CAPZA1: variants seen among roughly 807,000 people sequenced by gnomAD.
The protein encoded by CAPZA1 is F-actin-capping protein subunit alpha-1.
CAPZA1 carries 10 observed loss-of-function variants against 40.8 expected under a neutral mutation model. The observed-to-expected ratio is 0.25, with a 90% CI of 0.15 to 0.42. CAPZA1 has a LOEUF of 0.42. Among genes scored for constraint, CAPZA1 ranks in the 10% least tolerant of loss-of-function variants. CAPZA1 has a pLI of 1.00. For missense variants in CAPZA1, 277 were observed against 353.8 expected (o/e 0.78, Z 1.74); for synonymous variants, 98 against 115.0 (o/e 0.85, Z 0.95).
chr1:112,656,031 T>C (rs1671493747), intron 5 of CAPZA1, among the ~76,000 whole-genome samples: 1 of 152,210 alleles, frequency 6.6e-6, no homozygotes, highest in African/African-American at 2.4e-5. Context: ...TATGTATACA[T>C]TGTGGAATGG....
chr1:112,670,358 T>TTTTA lies in CAPZA1; in HGVS notation c.*229_*230insATTT. ...CTGCTATATCTACGTGTAAATCTTT[T>TTTTA]TTTCTTTTTTTTTTTTTTTTTTTGG... On this transcript the variant is annotated 3_prime_UTR_variant, in exon 10 of 10. Transcript: ENST00000263168. The TTTTA allele has an allele frequency of 2.6e-5, 9 of 348,018 alleles. No individual in the cohort carries two copies. The highest frequency in any genetic ancestry group is 3.3e-5 in the African/African-American group (1 of 29,934). The allele number at this position is 348,018 out of a possible 1,614,324, so 21.6% of individuals were successfully genotyped here. A position where few individuals can be genotyped will look rare whatever the true frequency, so the allele number is the denominator to read the frequency against.
rs143425669 is a variant in CAPZA1, at chr1:112,649,072, G to A, written c.104-346G>A. On this transcript the variant is annotated intron_variant, in intron 2 of 9. Coordinates refer to ENST00000263168, the MANE Select transcript of CAPZA1 (RefSeq NM_006135.3). ...GAATTTCACTCTTACTGACTGAATT[G>A]TGCCCAGCTTTCTTGATATGATGTT... Among the ~76,000 whole-genome samples, 185 of 152,184 alleles carry A rather than the reference G, an allele frequency of 1.2e-3. 2 individuals carry two copies. The highest frequency in any genetic ancestry group is 3.7e-3 in the African/African-American group (154 of 41,512).
intron 1 of CAPZA1, chr1:112,620,733 T>G (rs1312351678): frequency 6.6e-6 from 1 of 152,262 alleles, no homozygotes; most frequent in Non-Finnish European, 1.5e-5. Context: ...TTTGTCAGTG[T>G]GCATTTTGTA....
chr1:112,631,628 C>T (rs1254607474), intron 1 of CAPZA1, among the ~76,000 whole-genome samples: 1 of 152,166 alleles, frequency 6.6e-6, no homozygotes, highest in Non-Finnish European at 1.5e-5. Context: ...TTCCATCTAG[C>T]CTGGGTTCTC....
chr1:112,665,437 C>T (rs1353779388), intron 7 of CAPZA1, among the ~76,000 whole-genome samples: 2 of 152,048 alleles, frequency 1.3e-5, no homozygotes, highest in South Asian at 2.1e-4. Context: ...GCCTTGGCCT[C>T]CCAAAGTGCT....
intron 2 of CAPZA1, among the ~76,000 whole-genome samples, chr1:112,648,606 A>G (rs915929817): frequency 1.0e-4 from 15 of 147,820 alleles, no homozygotes; most frequent in African/African-American, 3.7e-4. Context: ...GTGAGCCACC[A>G]CACCTGCCCG....
chr1:112,647,679 A>G (rs1212058240), intron 2 of CAPZA1, among the ~76,000 whole-genome samples: 2 of 152,212 alleles, frequency 1.3e-5, no homozygotes, highest in African/African-American at 2.4e-5. Flanking sequence ...TGAACGGACT[A>G]TATCTGGGGA....
At chr1:112,642,071 G>A (rs72984509) in intron 1 of CAPZA1, among the ~76,000 whole-genome samples, 3,125 of 151,934 alleles carry the variant, frequency 0.021, 119 homozygotes, top group African/African-American at 0.071. Flanking sequence ...AAACTCCTGC[G>A]TTCAGTTTGT....
intron 1 of CAPZA1, among the ~76,000 whole-genome samples, chr1:112,632,045 C>G (rs1670928614): frequency 1.3e-5 from 2 of 152,286 alleles, no homozygotes; most frequent in South Asian, 4.1e-4. Context: ...TGGCTCATGC[C>G]CGTAATCCCA....
chr1:112,649,238 A>G (rs1234045425), intron 2 of CAPZA1, among the ~76,000 whole-genome samples, 180 bp from the exon 3 acceptor site: 1 of 152,244 alleles, frequency 6.6e-6, no homozygotes, highest in Non-Finnish European at 1.5e-5. Context: ...TAGCACACAT[A>G]ATTGTACACA....
intron 1 of CAPZA1, among the ~76,000 whole-genome samples, chr1:112,627,828 C>T (rs912353471): frequency 7.3e-5 from 11 of 151,570 alleles, no homozygotes; most frequent in African/African-American, 2.2e-4. Flanking sequence ...GGCGTGATGG[C>T]GCATGCCTGT....
chr1:112,668,899 T>C (rs1241163000), intron 8 of CAPZA1, among the ~76,000 whole-genome samples: 1 of 152,210 alleles, frequency 6.6e-6, no homozygotes, highest in African/African-American at 2.4e-5. Flanking sequence ...AACTTTGTGT[T>C]AGTATTATTA....
At chr1:112,626,994 G>A (rs891576605) in intron 1 of CAPZA1, among the ~76,000 whole-genome samples, 6 of 152,198 alleles carry the variant, frequency 3.9e-5, no homozygotes, top group Non-Finnish European at 8.8e-5. Flanking sequence ...ACATTTAAGT[G>A]CTTCTTTTGT....
intron 4 of CAPZA1, 93 bp from the exon 5 acceptor site, chr1:112,654,372 A>G: frequency 1.3e-6 from 1 of 744,156 alleles, no homozygotes; most frequent in Admixed American, 2.8e-5. Context: ...ATGAAAAGTT[A>G]ACTGCCTCAG....
At chr1:112,652,578 A>G (rs2101170389) in intron 3 of CAPZA1, among the ~76,000 whole-genome samples, 1 of 151,646 alleles carries the variant, frequency 6.6e-6, no homozygotes, top group African/African-American at 2.4e-5. Context: ...GCTTAAAACT[A>G]GTGGTCTCCA....
In CAPZA1 at chr1:112,624,023, A is replaced by AG. The variant is rs1334709116; in HGVS notation, c.39+4140_39+4141insG. On this transcript the variant is annotated intron_variant, in intron 1 of 9. Coordinates refer to ENST00000263168, the MANE Select transcript of CAPZA1 (RefSeq NM_006135.3). ...TCCATCTCAAAAAAAAAAAAAAAGA[A>AG]AAAAGAAAAGAAAAAGAAATCCTAG... Among the ~76,000 whole-genome samples the AG allele has an allele frequency of 7.3e-4, 109 of 150,124 alleles. 3 individuals carry two copies. Among genetic ancestry groups the AG allele is most frequent in the African/African-American group, 9.8e-4 (40 of 40,834 alleles).
chr1:112,633,883 C>T (rs893225919), intron 1 of CAPZA1, among the ~76,000 whole-genome samples: 1 of 152,062 alleles, frequency 6.6e-6, no homozygotes, highest in Non-Finnish European at 1.5e-5. Flanking sequence ...ATTTGTATAT[C>T]TTTGAGAAAT....
chr1:112,644,869 C>A (rs2101159826), intron 1 of CAPZA1, among the ~76,000 whole-genome samples: 1 of 152,202 alleles, frequency 6.6e-6, no homozygotes, highest in Non-Finnish European at 1.5e-5. Context: ...TAGATAGGAG[C>A]CATTCTGGAG....
chr1:112,624,796 A>T (rs1670774252), intron 1 of CAPZA1, among the ~76,000 whole-genome samples: 1 of 152,110 alleles, frequency 6.6e-6, no homozygotes, highest in Admixed American at 6.5e-5. Flanking sequence ...AATTGGATCA[A>T]ACCAGCCCAA....
Sources: allele counts gnomAD v4.1 joint callset (sites outside exome capture counted in the v4.1 genomes callset), GRCh38; gene constraint gnomAD v4.1.1; transcripts MANE v1.5; gene names NCBI Gene and HGNC (gene_info 2026-07-23, HGNC 2026-07-21).